FLI1: variants seen among roughly 807,000 people sequenced by gnomAD.
FLI1 encodes the protein Fli-1 proto-oncogene, ETS transcription factor, also known as Friend leukemia integration 1 transcription factor.
In FLI1, 13 loss-of-function variants were observed where a neutral mutation model predicts 53.1. The observed-to-expected ratio is 0.24, with a 90% CI of 0.16 to 0.39. The LOEUF (loss-of-function observed/expected upper bound fraction) is 0.39, where lower values mean the gene tolerates loss of function less well. Ranked by LOEUF, FLI1 falls within the 10% of genes least tolerant of loss-of-function variation. The probability of loss-of-function intolerance (pLI) is 1.00; values close to 1 mark genes in which losing one functional copy is unlikely to be tolerated. For missense variants in FLI1, 424 were observed against 600.5 expected, an observed-to-expected ratio of 0.71 and a Z score of 3.07; for synonymous variants, 244 against 236.7, an observed-to-expected ratio of 1.03 and a Z score of -0.28.
chr11:128,774,466 T>C (rs1262198038), intron 4 of FLI1, among the ~76,000 whole-genome samples: 1 of 152,232 alleles, frequency 6.6e-6, no homozygotes, highest in Non-Finnish European at 1.5e-5. Flanking sequence ...GTTTGTGGAA[T>C]TTTAAAAAAT....
intron 4 of FLI1, among the ~76,000 whole-genome samples, chr11:128,780,775 G>A (rs1046182829): frequency 1.3e-5 from 2 of 152,166 alleles, no homozygotes; most frequent in Non-Finnish European, 2.9e-5. Flanking sequence ...CCCACCCCTG[G>A]CACCCAAGCC....
At chr11:128,790,253 A>AT (rs34130629) in intron 5 of FLI1, among the ~76,000 whole-genome samples, 18,762 of 141,154 alleles carry the variant, frequency 0.13, 3,628 homozygotes, top group African/African-American at 0.43. Context: ...GGAGAGTTGC[A>AT]TTTTTTTTTT....
At chr11:128,701,836 A>G (rs1444063469) in intron 1 of FLI1, among the ~76,000 whole-genome samples, 1 of 152,170 alleles carries the variant, frequency 6.6e-6, no homozygotes, top group Non-Finnish European at 1.5e-5. Context: ...GTGCCATGGG[A>G]GCTTTAACCT....
At chr11:128,721,281 A>G (rs1230492600) in intron 1 of FLI1, among the ~76,000 whole-genome samples, 1 of 152,152 alleles carries the variant, frequency 6.6e-6, no homozygotes, top group East Asian at 1.9e-4. Context: ...GCCAGCCTGT[A>G]CTTGGCACCT....
chr11:128,775,351 G>C (rs954843741), intron 4 of FLI1, among the ~76,000 whole-genome samples: 1 of 150,652 alleles, frequency 6.6e-6, no homozygotes, highest in African/African-American at 2.5e-5. Flanking sequence ...TAAAATAATC[G>C]TGTTAAATTA....
At chr11:128,749,043 T>C (rs1940532848) in intron 1 of FLI1, among the ~76,000 whole-genome samples, 1 of 152,196 alleles carries the variant, frequency 6.6e-6, no homozygotes, top group Non-Finnish European at 1.5e-5. Context: ...CCACTATGTG[T>C]CTATCAGAGG....
intron 2 of FLI1, among the ~76,000 whole-genome samples, chr11:128,766,055 T>C (rs1174443889): frequency 6.6e-6 from 1 of 152,084 alleles, no homozygotes; most frequent in African/African-American, 2.4e-5. Context: ...GTGGGTAAAG[T>C]ATTGTGCACA....
chr11:128,794,261 T>G (rs1447382679), intron 5 of FLI1, among the ~76,000 whole-genome samples: 1 of 152,040 alleles, frequency 6.6e-6, no homozygotes, highest in African/African-American at 2.4e-5. Context: ...CAAAATACTT[T>G]GGGAAAAAAA....
At chr11:128,720,247 A>C (rs1939198361) in intron 1 of FLI1, among the ~76,000 whole-genome samples, 1 of 152,098 alleles carries the variant, frequency 6.6e-6, no homozygotes, top group Non-Finnish European at 1.5e-5. Flanking sequence ...CTATATCACT[A>C]CTTCTGATGG....
chr11:128,720,102 C>T (rs1474212180), intron 1 of FLI1, among the ~76,000 whole-genome samples: 1 of 152,138 alleles, frequency 6.6e-6, no homozygotes, highest in East Asian at 1.9e-4. Flanking sequence ...GGTGCCCTTC[C>T]TTCCGGTCTT....
chr11:128,787,244 G>A (rs73017324), intron 5 of FLI1, among the ~76,000 whole-genome samples: 2,515 of 152,200 alleles, frequency 0.017, 24 homozygotes, highest in Middle Eastern at 0.031. Context: ...CCATTATCCC[G>A]TTTGTGCCCT....
At chr11:128,794,848 G>A (rs1197923808) in intron 5 of FLI1, among the ~76,000 whole-genome samples, 1 of 152,158 alleles carries the variant, frequency 6.6e-6, no homozygotes, top group Non-Finnish European at 1.5e-5. Flanking sequence ...GGTCGAGGTG[G>A]AAAGATCACT....
At chr11:128,770,134 G>A (rs1340853319) in intron 3 of FLI1, among the ~76,000 whole-genome samples, 1 of 152,228 alleles carries the variant, frequency 6.6e-6, no homozygotes, top group Non-Finnish European at 1.5e-5. Flanking sequence ...TGGCCAGACT[G>A]CTATGTCGAC....
At chr11:128,685,133 G>C (rs930385698), upstream of FLI1, among the ~76,000 whole-genome samples, 1 of 152,252 alleles carries the variant, frequency 6.6e-6, no homozygotes, top group South Asian at 2.1e-4. Flanking sequence ...GAAAGCTTCA[G>C]TGCACGCATA....
At chr11:128,796,998 A>T (rs1288041494) in intron 5 of FLI1, among the ~76,000 whole-genome samples, 1 of 152,196 alleles carries the variant, frequency 6.6e-6, no homozygotes, top group Non-Finnish European at 1.5e-5. Flanking sequence ...ACAAACAAAC[A>T]AAAAGAAGTA....
intron 1 of FLI1, among the ~76,000 whole-genome samples, chr11:128,727,048 G>T (rs188741618): frequency 6.6e-6 from 1 of 152,114 alleles, no homozygotes; most frequent in African/African-American, 2.4e-5. Context: ...CCTGCCTGGC[G>T]TTAATATTTG....
At position 128,758,289 on chromosome 11, in the gene FLI1, A is replaced by G; in HGVS notation, c.193A>G (p.Asn65Asp). The G allele has an allele frequency of 6.2e-7, 1 of 1,613,684 alleles. No individual in the cohort carries two copies. The highest frequency in any genetic ancestry group is 8.5e-7 in the Non-Finnish European group (1 of 1,179,756). Residue 65 changes from asparagine (N) to aspartate (D), a missense_variant, in exon 2 of 9, where the codon AAC (asparagine) becomes GAC (aspartate). Asn to Asp is a conservative substitution (Grantham distance 23, BLOSUM62 1). This residue lies in a region of FLI1 where 137 missense variants were observed against 169.1 expected (regional missense o/e 0.81). Transcript: ENST00000527786. ...QEWINQPVRV[N>D]VKREYDHMNG... ...GTGGATCAATCAGCCAGTGAGGGTC[A>G]ACGTCAAGCGGGAGTATGACCACAT...
intron 5 of FLI1, among the ~76,000 whole-genome samples, chr11:128,785,920 G>A (rs1010148703): frequency 1.3e-5 from 2 of 152,186 alleles, no homozygotes; most frequent in African/African-American, 4.8e-5. Flanking sequence ...CTGGATGGTG[G>A]TAATCGTTGC....
chr11:128,686,330 T>TG (rs1204202176), upstream of FLI1: 2 of 456,172 alleles, frequency 4.4e-6, no homozygotes. Context: ...GCCCAGGCCC[T>TG]GGGGGAGGCG....
Sources: allele counts gnomAD v4.1 joint callset (sites outside exome capture counted in the v4.1 genomes callset), GRCh38; gene constraint gnomAD v4.1.1; regional missense constraint gnomAD v4.1.1; transcripts MANE v1.5; gene names NCBI Gene and HGNC (gene_info 2026-07-23, HGNC 2026-07-21).